Variants in PCMT1 observed in about 807,000 individuals in gnomAD.
The protein encoded by PCMT1 is protein-L-isoaspartate (D-aspartate) O-methyltransferase.
Under a neutral mutation model 29.2 loss-of-function variants are expected in PCMT1, and 9 were observed. The observed-to-expected ratio is 0.31, with a 90% CI of 0.19 to 0.54. PCMT1 has a LOEUF of 0.54. Among genes scored for constraint, PCMT1 ranks in the 20% least tolerant of loss-of-function variants. The pLI is 0.95. For synonymous variants in PCMT1, 98 were observed against 97.5 expected, an observed-to-expected ratio of 1.00 and a Z score of -0.03; for missense variants, 184 against 282.2, an observed-to-expected ratio of 0.65 and a Z score of 2.49.
intron 6 of PCMT1, among the ~76,000 whole-genome samples, chr6:149,799,843 T>C (rs532749530): frequency 5.3e-5 from 8 of 152,302 alleles, no homozygotes; most frequent in African/African-American, 1.7e-4. Context: ...TGGATACTTC[T>C]TGACTCAGCA....
chr6:149,763,991 AC>A (rs971518643), intron 1 of PCMT1, among the ~76,000 whole-genome samples: 1 of 152,192 alleles, frequency 6.6e-6, no homozygotes, highest in African/African-American at 2.4e-5. Context: ...GCTAGTAAGA[AC>A]CACAATAATG....
rs376882596 is a variant in PCMT1, at chr6:149,800,355, G to A, written c.505-1845G>A. Among the ~76,000 whole-genome samples, 37 of 152,122 alleles carry A rather than the reference G, an allele frequency of 2.4e-4. 1 individual carries two copies. In the East Asian group the frequency reaches 4.8e-3, roughly 20 times the overall value. ...TCGGTGGTGGGCACCTGTAATCCCAGCTACTTGGGAGGCTGAGGCATGAGA... is the reference window on the plus strand; with the variant it reads ...TCGGTGGTGGGCACCTGTAATCCCAACTACTTGGGAGGCTGAGGCATGAGA... On this transcript the variant is annotated intron_variant, in intron 6 of 7. Transcript: ENST00000464889.
chr6:149,806,172 GTCA>G (rs538560043), intron 7 of PCMT1, among the ~76,000 whole-genome samples: 27 of 152,158 alleles, frequency 1.8e-4, no homozygotes, highest in Non-Finnish European at 3.2e-4. Context: ...GGTGCCAGGA[GTCA>G]TCAGCTGTGA....
At chr6:149,809,596 A>T (rs1776108824) in intron 7 of PCMT1, among the ~76,000 whole-genome samples, 1 of 152,132 alleles carries the variant, frequency 6.6e-6, no homozygotes, top group Admixed American at 6.5e-5. Context: ...ATTGTCCAGT[A>T]ATTTACCCCC....
intron 3 of PCMT1, among the ~76,000 whole-genome samples, chr6:149,777,218 A>T (rs1288522655): frequency 6.6e-6 from 1 of 152,234 alleles, no homozygotes; most frequent in Non-Finnish European, 1.5e-5. Context: ...CACTTACGTT[A>T]GCCTACAGTT....
At position 149,802,210 on chromosome 6, in the gene PCMT1, A is replaced by T; in HGVS notation, c.515A>T (p.Gln172Leu). Residue 172 changes from glutamine to leucine, a missense_variant, in exon 7 of 8, where the codon CAG (glutamine) becomes CTG (leucine). Physicochemically the swap from Gln to Leu is moderately radical, Grantham distance 113 (BLOSUM62 -2). Transcript: ENST00000464889. ...TTTTTTTTCTTTTAGCTAATAGATC[A>T]GTTAAAGCCCGGAGGAAGATTGATA... ...APVVPQALID[Q>L]LKPGGRLILP... is the part of the protein sequence containing the mutation. 1 of 1,587,258 alleles carries T rather than the reference A, an allele frequency of 6.3e-7. No individual in the cohort carries two copies.
rs1370115827 is a variant in PCMT1, at chr6:149,749,845, C to T, written c.-57C>T. 6 of 1,578,492 alleles carry T rather than the reference C, an allele frequency of 3.8e-6. No homozygotes were observed. Among genetic ancestry groups the T allele is most frequent in the East Asian group, 2.3e-5 (1 of 43,406 alleles). ...GGTGGTCTCACTCTTGGGAAAACTG[C>T]TGGGCACCGTCGTCGCGCTGAAGGT... On this transcript the variant is annotated 5_prime_UTR_variant, in exon 1 of 8. Coordinates refer to ENST00000464889, the MANE Select transcript of PCMT1 (RefSeq NM_001360452.2).
chr6:149,787,425 G>A (rs1222699968), intron 3 of PCMT1, among the ~76,000 whole-genome samples: 1 of 150,736 alleles, frequency 6.6e-6, no homozygotes, highest in Non-Finnish European at 1.5e-5. Context: ...GGAGTGCAGT[G>A]GCGCCATCTT....
At chr6:149,805,423 C>T (rs1475334383) in intron 7 of PCMT1, among the ~76,000 whole-genome samples, 2 of 150,740 alleles carry the variant, frequency 1.3e-5, no homozygotes, top group African/African-American at 4.9e-5. Flanking sequence ...GAAACCCCGT[C>T]TCTCCTAAAA....
Position 149,793,545 on chromosome 6 carries a change from C to T in PCMT1, c.298-4C>T, listed in dbSNP as rs377628967. 2.7e-6 allele frequency: 4 copies of T among 1,457,870 alleles called. No individual in the cohort carries two copies. Among genetic ancestry groups the T allele is most frequent in the Non-Finnish European group, 3.6e-6 (4 of 1,107,120 alleles). The allele number at this position is 1,457,870 out of a possible 1,614,324, so 90.3% of individuals were successfully genotyped here. A position where few individuals can be genotyped will look rare whatever the true frequency, so the allele number is the denominator to read the frequency against. On this transcript the variant is annotated splice_region_variant and splice_polypyrimidine_tract_variant and intron_variant, in intron 4 of 7. Transcript: ENST00000464889. ...GAGCTACTGAATTGTTTTCTCTTTT[C>T]CAGGTTGGATGTACTGGAAAAGTCA...
At chr6:149,807,065 A>C (rs1272663931) in intron 7 of PCMT1, among the ~76,000 whole-genome samples, 1 of 152,232 alleles carries the variant, frequency 6.6e-6, no homozygotes, top group Non-Finnish European at 1.5e-5. Context: ...ATTTTTAAAA[A>C]TGAGAATTAG....
At chr6:149,774,949 C>T (rs1014225139) in intron 3 of PCMT1, among the ~76,000 whole-genome samples, 3 of 152,138 alleles carry the variant, frequency 2.0e-5, no homozygotes, top group East Asian at 1.9e-4. Context: ...CCTTGTGATC[C>T]GCCCGCCTCG....
At chr6:149,778,103 C>T (rs537671988) in intron 3 of PCMT1, among the ~76,000 whole-genome samples, 2 of 152,086 alleles carry the variant, frequency 1.3e-5, no homozygotes, top group Non-Finnish European at 2.9e-5. Flanking sequence ...TCTTGAACTC[C>T]TGGCCTCAAG....
intron 4 of PCMT1, among the ~76,000 whole-genome samples, chr6:149,790,465 T>C (rs947423900): frequency 6.6e-6 from 1 of 152,146 alleles, no homozygotes; most frequent in East Asian, 1.9e-4. Flanking sequence ...AACTACCTTC[T>C]TCCAAGTTCT....
chr6:149,792,134 G>C (rs1168596652), intron 4 of PCMT1, among the ~76,000 whole-genome samples: 2 of 152,152 alleles, frequency 1.3e-5, no homozygotes, highest in Non-Finnish European at 2.9e-5. Flanking sequence ...GGCCAACATG[G>C]TGAAACCCCG....
chr6:149,750,846 A>G (rs1786285773), intron 1 of PCMT1, among the ~76,000 whole-genome samples: 1 of 152,226 alleles, frequency 6.6e-6, no homozygotes, highest in Admixed American at 6.5e-5. Context: ...GGAGACTACA[A>G]GGGCCGCAGT....
intron 1 of PCMT1, among the ~76,000 whole-genome samples, chr6:149,761,957 T>G (rs1471058356): frequency 6.6e-6 from 1 of 152,190 alleles, no homozygotes. Context: ...GCCCTTTGTT[T>G]CCTATATTAC....
At chr6:149,790,739 T>A (rs1360714536) in intron 4 of PCMT1, among the ~76,000 whole-genome samples, 3 of 152,072 alleles carry the variant, frequency 2.0e-5, no homozygotes, top group Admixed American at 6.6e-5. Flanking sequence ...CCAGACGCGG[T>A]GGCTCACACC....
intron 7 of PCMT1, among the ~76,000 whole-genome samples, chr6:149,807,055 AT>A (rs1776038083): frequency 6.6e-6 from 1 of 152,198 alleles, no homozygotes; most frequent in Non-Finnish European, 1.5e-5. Context: ...CAGAAACTGT[AT>A]TTTTAAAAAT....
Sources: allele counts gnomAD v4.1 joint callset (sites outside exome capture counted in the v4.1 genomes callset), GRCh38; gene constraint gnomAD v4.1.1; transcripts MANE v1.5; gene names NCBI Gene and HGNC (gene_info 2026-07-23, HGNC 2026-07-21).